The following ATP12A variants were observed in gnomAD, a reference collection of about 807,000 sequenced individuals.
The protein encoded by ATP12A is ATPase H+/K+ transporting non-gastric alpha2 subunit.
In ATP12A, 81 loss-of-function variants were observed where a neutral mutation model predicts 111.2. That is an observed-to-expected ratio of 0.73 (90% CI 0.61 to 0.88). The LOEUF (loss-of-function observed/expected upper bound fraction) is 0.88. Among genes scored for constraint, ATP12A ranks in the 40% least tolerant of loss-of-function variants. The pLI is 0.00. For synonymous variants in ATP12A, 498 were observed against 499.8 expected (o/e 1.00, Z 0.05); for missense variants, 1,196 against 1,313.1 (o/e 0.91, Z 1.38).
chr13:24,688,408 G>A lies in ATP12A; in HGVS notation c.318G>A (p.Lys106=), dbSNP rs980110456. 1 of 1,614,190 alleles carries A rather than the reference G, an allele frequency of 6.2e-7. No individual in the cohort carries two copies. The highest frequency in any genetic ancestry group is 8.5e-7 in the Non-Finnish European group (1 of 1,180,048). ...CCAAGCAGACGCCTGAGATCGTCAA[G>A]TTCCTCAAGCAGATGGTGGGGGGGT... The part of the protein sequence containing the change: ...TPPKQTPEIV[K]FLKQMVGGFS... Residue 106 remains lysine (K), a synonymous_variant, in exon 4 of 23, where the codon AAG becomes AAA. Coordinates refer to ENST00000381946, the MANE Select transcript of ATP12A (RefSeq NM_001676.7).
intron 8 of ATP12A, among the ~76,000 whole-genome samples, chr13:24,691,463 G>A (rs775507688): frequency 9.2e-5 from 14 of 152,172 alleles, no homozygotes; most frequent in African/African-American, 2.9e-4. Context: ...CCTTGAAAAC[G>A]TTATGCTTTC....
intron 1 of ATP12A, among the ~76,000 whole-genome samples, 199 bp from the exon 2 acceptor site, chr13:24,681,363 A>G (rs1874423611): frequency 6.6e-6 from 1 of 151,914 alleles, no homozygotes; most frequent in South Asian, 2.1e-4. Context: ...TCCCCTCTAC[A>G]CGGACGGAGA....
At chr13:24,690,770 C>T (rs1332781695) in intron 7 of ATP12A, 49 bp downstream of exon 7, 4 of 1,543,566 alleles carry the variant, frequency 2.6e-6, no homozygotes, top group Non-Finnish European at 3.5e-6. Context: ...TGTCCTTTCT[C>T]CCTCCTGGGC....
rs1303650378 is a variant in ATP12A at position 24,690,417 on chromosome 13, AAGG to A, written c.632_634del (p.Gly211del). ...GTGGTGGGGGACATTGTGGAGGTCA[AAGG>A]AGGAGACCAGATCCCTGCAGACATC... On this transcript the variant is annotated inframe_deletion, in exon 6 of 23. Coordinates refer to ENST00000381946, the MANE Select transcript of ATP12A (RefSeq NM_001676.7). The A allele has an allele frequency of 1.9e-6, 3 of 1,613,230 alleles. No homozygotes were observed. Among genetic ancestry groups the A allele is most frequent in the Non-Finnish European group, 2.5e-6 (3 of 1,179,882 alleles).
At chr13:24,681,945 GT>G (rs1874457195) in intron 2 of ATP12A, among the ~76,000 whole-genome samples, 1 of 144,114 alleles carries the variant, frequency 6.9e-6, no homozygotes, top group African/African-American at 2.6e-5. Flanking sequence ...TGTGTGGTGT[GT>G]GTGTGTATGT....
At chr13:24,693,864 C>T (rs1482770000) in intron 10 of ATP12A, among the ~76,000 whole-genome samples, 1 of 152,224 alleles carries the variant, frequency 6.6e-6, no homozygotes, top group Admixed American at 6.5e-5. Flanking sequence ...ATCTAAATAG[C>T]CGATTACCGG....
Position 24,692,394 on chromosome 13 carries a change from G to A in ATP12A, c.1069-35G>A, listed in dbSNP as rs750215883. The A allele has an allele frequency of 7.5e-6, 12 of 1,604,618 alleles. No homozygotes were observed. In the South Asian group the frequency reaches 1.2e-4, roughly 16 times the overall value. On this transcript the variant is annotated intron_variant, in intron 8 of 22. Transcript: ENST00000381946. ...ATTATTGGACCTGAGTTCAAATGAG[G>A]ATTTTTCCCAAAGCGTCCTTCCCTC...
At chr13:24,689,516 G>T (rs753771473) in intron 5 of ATP12A, 141 bp downstream of exon 5, 2 of 699,136 alleles carry the variant, frequency 2.9e-6, no homozygotes, top group Non-Finnish European at 4.9e-6. Flanking sequence ...TAACCCATCT[G>T]TCAGAACCCC....
chr13:24,690,961 A>G, intron 7 of ATP12A, 21 bp from the exon 8 acceptor site: 4 of 1,612,618 alleles, frequency 2.5e-6, no homozygotes, highest in Non-Finnish European at 3.4e-6. Context: ...CCCTGGAATA[A>G]AGCATCTACT....
Position 24,698,863 on chromosome 13 carries a change from G to T in ATP12A, c.1705+13G>T. On this transcript the variant is annotated intron_variant, in intron 12 of 22. Transcript: ENST00000381946. Reference sequence around the variant, plus strand: ...GAGCGTGTGCTGGGTGAGTGCGGCGGCAGGGCCCTGCCCATCACCTGGTGG... The same window carrying T: ...GAGCGTGTGCTGGGTGAGTGCGGCGTCAGGGCCCTGCCCATCACCTGGTGG... 2 of 1,612,034 alleles carry T rather than the reference G, an allele frequency of 1.2e-6. No homozygotes were observed. The highest frequency in any genetic ancestry group is 1.7e-4 in the Middle Eastern group (1 of 6,050).
chr13:24,694,625 C>T (rs372786795), intron 11 of ATP12A, 47 bp downstream of exon 11: 1 of 1,610,240 alleles, frequency 6.2e-7, no homozygotes, highest in Non-Finnish European at 8.5e-7. Flanking sequence ...GGCAGCATGA[C>T]CTTTCTACTT....
chr13:24,703,626 C>A (rs149229334), intron 14 of ATP12A: 1 of 152,254 alleles, frequency 6.6e-6, no homozygotes, highest in African/African-American at 2.4e-5. Flanking sequence ...TGACTGTGAA[C>A]AATCAGTTGA....
intron 2 of ATP12A, among the ~76,000 whole-genome samples, chr13:24,684,722 T>A (rs1472892627): frequency 6.6e-6 from 1 of 152,266 alleles, no homozygotes; most frequent in Non-Finnish European, 1.5e-5. Context: ...TGTAGTCTAA[T>A]GATTCTGTAG....
chr13:24,709,569 TG>T, intron 18 of ATP12A, 82 bp downstream of exon 18: 2 of 1,593,214 alleles, frequency 1.3e-6, no homozygotes, highest in Non-Finnish European at 1.7e-6. Context: ...CCAGAAAGTG[TG>T]GTTTTCCTGT....
intron 3 of ATP12A, among the ~76,000 whole-genome samples, chr13:24,687,379 G>A (rs1874709392): frequency 6.6e-6 from 1 of 152,036 alleles, no homozygotes; most frequent in Non-Finnish European, 1.5e-5. Context: ...CAGGAGAATC[G>A]CTTGAACCCA....
chr13:24,698,842 G>A lies in ATP12A; in HGVS notation c.1697G>A (p.Arg566His), dbSNP rs754499582. Residue 566 changes from arginine to histidine, a missense_variant, in exon 12 of 23, where the codon CGT becomes CAT. This residue lies in a region of ATP12A where 1,126 missense variants were observed against 1,228.5 expected (regional missense o/e 0.92). Coordinates refer to ENST00000381946, the MANE Select transcript of ATP12A (RefSeq NM_001676.7). Reference sequence around the variant, plus strand: ...ATGGAGCTGGGCGGGTTGGGCGAGCGTGTGCTGGGTGAGTGCGGCGGCAGG... The same window carrying A: ...ATGGAGCTGGGCGGGTTGGGCGAGCATGTGCTGGGTGAGTGCGGCGGCAGG... Reference protein sequence around the residue: ...AYMELGGLGERVLGFCHLYLP... With the variant: ...AYMELGGLGEHVLGFCHLYLP... 5.0e-6 allele frequency: 8 copies of A among 1,613,766 alleles called. No homozygotes were observed. The highest frequency in any genetic ancestry group is 1.7e-4 in the Middle Eastern group (1 of 6,058).
intron 3 of ATP12A, among the ~76,000 whole-genome samples, chr13:24,688,030 C>T (rs111604951): frequency 9.9e-5 from 15 of 152,208 alleles, no homozygotes; most frequent in African/African-American, 2.4e-4. Flanking sequence ...TCCACCTCTG[C>T]GAATGACGAG....
In ATP12A at chr13:24,680,536, T is replaced by G; in HGVS notation, c.-208T>G. On this transcript the variant is annotated 5_prime_UTR_variant, in exon 1 of 23. Coordinates refer to ENST00000381946, the MANE Select transcript of ATP12A (RefSeq NM_001676.7). Reference sequence around the variant, plus strand: ...GGGGACGTGGGCGGGGCGGGCGGCATTTAAGGCTGGTGCCACCTCCCCGGT... The same window carrying G: ...GGGGACGTGGGCGGGGCGGGCGGCAGTTAAGGCTGGTGCCACCTCCCCGGT... The G allele has an allele frequency of 1.9e-6, 1 of 522,340 alleles. No homozygotes were observed. The highest frequency in any genetic ancestry group is 3.2e-6 in the Non-Finnish European group (1 of 312,830). 32.4% of individuals were successfully genotyped at this position (522,340 alleles called of 1,614,324 possible). A position where few individuals can be genotyped will look rare whatever the true frequency, so the allele number is the denominator to read the frequency against.
rs1874392822 is a variant in ATP12A at position 24,680,627 on chromosome 13, CCAA to C, written c.-114_-112del. ...CGCGCCGCCGCCGGTATCTCCACCG[CCAA>C]CACCTCAGCCACTGCCACTGCCACA... On this transcript the variant is annotated 5_prime_UTR_variant, in exon 1 of 23. Transcript: ENST00000381946. 7.9e-6 allele frequency: 10 copies of C among 1,270,590 alleles called. No individual in the cohort carries two copies. The highest frequency in any genetic ancestry group is 1.1e-5 in the Non-Finnish European group (10 of 934,496). 78.7% of individuals were successfully genotyped at this position (1,270,590 alleles called of 1,614,324 possible).
Sources: allele counts gnomAD v4.1 joint callset (sites outside exome capture counted in the v4.1 genomes callset), GRCh38; gene constraint gnomAD v4.1.1; regional missense constraint gnomAD v4.1.1; transcripts MANE v1.5; gene names NCBI Gene and HGNC (gene_info 2026-07-23, HGNC 2026-07-21).